The following RHAG variants were observed in gnomAD, a reference collection of about 807,000 sequenced individuals.
The protein encoded by RHAG is Rh associated glycoprotein.
In RHAG, 25 loss-of-function variants were observed where a neutral mutation model predicts 42.4. The observed-to-expected ratio is 0.59, with a 90% confidence interval of 0.43 to 0.82. The LOEUF is 0.82. RHAG is among the 40% of genes least tolerant of loss of function. The probability of loss-of-function intolerance (pLI) is 0.00; values close to 1 mark genes in which losing one functional copy is unlikely to be tolerated. For missense variants in RHAG, 483 were observed against 504.6 expected, an observed-to-expected ratio of 0.96 and a Z score of 0.41; for synonymous variants, 182 against 177.7, an observed-to-expected ratio of 1.02 and a Z score of -0.19.
At position 49,614,752 on chromosome 6, in the gene RHAG, C is replaced by A. The variant is rs1762625218; in HGVS notation, c.742G>T (p.Ala248Ser). The A allele has an allele frequency of 1.2e-6, 2 of 1,613,888 alleles. No homozygotes were observed. Among genetic ancestry groups the A allele is most frequent in the African/African-American group, 1.3e-5 (1 of 74,872 alleles). Residue 248 changes from alanine (A) to serine (S), a missense_variant, in exon 5 of 10, where the codon GCT (alanine) becomes TCT (serine). Coordinates refer to ENST00000371175, the MANE Select transcript of RHAG (RefSeq NM_000324.3). The stretch of plus-strand genomic sequence containing the variant: ...GCAAAGGCTGTGAGCACACAGGCAG[C>A]GAGAGAGAAGTACGTGTTTACAATG... ...RAIVNTYFSL[A>S]ACVLTAFAFS...
chr6:49,611,539 A>G (rs748653778), intron 6 of RHAG, among the ~76,000 whole-genome samples: 5 of 152,108 alleles, frequency 3.3e-5, no homozygotes, highest in African/African-American at 1.2e-4. Context: ...TCTGAACTAC[A>G]TCTCCCCATT....
At chr6:49,615,186 G>A (rs1762633004) in intron 4 of RHAG, 4 of 295,544 alleles carry the variant, frequency 1.4e-5, no homozygotes, top group East Asian at 8.7e-5. Context: ...TCCTGACCTC[G>A]TGATCCACCC....
At chr6:49,611,810 C>G (rs1323420024) in intron 6 of RHAG, among the ~76,000 whole-genome samples, 1 of 151,140 alleles carries the variant, frequency 6.6e-6, no homozygotes, top group Non-Finnish European at 1.5e-5. Context: ...GGTGCCATCT[C>G]GGCTCACTGC....
At chr6:49,610,875 A>C in intron 7 of RHAG, 149 bp downstream of exon 7, 1 of 846,326 alleles carries the variant, frequency 1.2e-6, no homozygotes, top group Non-Finnish European at 1.9e-6. Flanking sequence ...TTTTATTCTA[A>C]TGATCTTCTC....
intron 1 of RHAG, among the ~76,000 whole-genome samples, chr6:49,632,543 A>G (rs1762949152): frequency 6.6e-6 from 1 of 152,040 alleles, no homozygotes; most frequent in South Asian, 2.1e-4. Context: ...ATTCTTTTTT[A>G]TGTTATATAT....
chr6:49,610,640 C>T (rs1240251499), intron 7 of RHAG, among the ~76,000 whole-genome samples: 1 of 152,050 alleles, frequency 6.6e-6, no homozygotes, highest in Non-Finnish European at 1.5e-5. Context: ...TCCAACTCAT[C>T]CTTCTTTGTG....
intron 1 of RHAG, among the ~76,000 whole-genome samples, chr6:49,634,906 C>T (rs1486765709): frequency 2.0e-5 from 3 of 147,848 alleles, no homozygotes; most frequent in Non-Finnish European, 4.5e-5. Context: ...TACAATCAAG[C>T]TAGTTAACAC....
chr6:49,615,861 TA>T, intron 3 of RHAG, 90 bp from the exon 4 acceptor site: 1 of 1,306,280 alleles, frequency 7.7e-7, no homozygotes, highest in South Asian at 1.2e-5. Flanking sequence ...CATTGTTGGT[TA>T]AACAACTTAA....
chr6:49,632,465 A>G (rs1762948208), intron 1 of RHAG, among the ~76,000 whole-genome samples: 1 of 152,224 alleles, frequency 6.6e-6, no homozygotes, highest in Non-Finnish European at 1.5e-5. Context: ...GTCTGCTATC[A>G]CAAGCTTATC....
chr6:49,616,911 C>A (rs1762666302), intron 3 of RHAG, among the ~76,000 whole-genome samples: 3 of 152,152 alleles, frequency 2.0e-5, no homozygotes, highest in Admixed American at 2.0e-4. Flanking sequence ...TGGGAGGTGG[C>A]TATTAATCAT....
chr6:49,631,186 C>A (rs1762929224), intron 1 of RHAG, among the ~76,000 whole-genome samples: 1 of 152,102 alleles, frequency 6.6e-6, no homozygotes, highest in Admixed American at 6.6e-5. Context: ...GTTGCCAGAC[C>A]TCTCCACTAT....
chr6:49,623,577 A>G (rs1008535660), intron 1 of RHAG, among the ~76,000 whole-genome samples: 4 of 152,202 alleles, frequency 2.6e-5, no homozygotes, highest in African/African-American at 9.7e-5. Context: ...ATTCTCAACA[A>G]GAGGTAATAT....
intron 1 of RHAG, among the ~76,000 whole-genome samples, chr6:49,631,573 C>A (rs9473631): frequency 0.23 from 34,274 of 152,046 alleles, 4,210 homozygotes; most frequent in African/African-American, 0.32. Context: ...GATCCTGTGT[C>A]CTTTTCACAT....
chr6:49,628,696 A>G (rs1454629279), intron 1 of RHAG, among the ~76,000 whole-genome samples: 2 of 151,516 alleles, frequency 1.3e-5, no homozygotes, highest in Non-Finnish European at 2.9e-5. Context: ...TGGCTTCAGG[A>G]GTGAAGCTGC....
At chr6:49,624,112 C>T (rs1762805358) in intron 1 of RHAG, among the ~76,000 whole-genome samples, 1 of 152,180 alleles carries the variant, frequency 6.6e-6, no homozygotes, top group Admixed American at 6.5e-5. Flanking sequence ...AATCTCAAGG[C>T]ATTAGAATCC....
chr6:49,621,139 G>A (rs1035932046), intron 1 of RHAG, among the ~76,000 whole-genome samples: 21 of 152,254 alleles, frequency 1.4e-4, no homozygotes, highest in Middle Eastern at 3.4e-3. Context: ...CTAGTGTGTT[G>A]AGGGTAAGAG....
At chr6:49,624,366 TG>T (rs1281726104) in intron 1 of RHAG, among the ~76,000 whole-genome samples, 1 of 151,980 alleles carries the variant, frequency 6.6e-6, no homozygotes, top group Non-Finnish European at 1.5e-5. Flanking sequence ...CCACCACACC[TG>T]GTTAATTTTG....
At position 49,618,008 on chromosome 6, in the gene RHAG, T is replaced by G. The variant is rs543592705; in HGVS notation, c.492+60A>C. On this transcript the variant is annotated intron_variant, in intron 3 of 9. Coordinates refer to ENST00000371175, the MANE Select transcript of RHAG (RefSeq NM_000324.3). ...TCCCATATACCGTAGACACCCATTG[T>G]TTTTTTGTAGCCAGAACTGATGCCC... 4.2e-5 allele frequency: 64 copies of G among 1,520,078 alleles called. 2 individuals carry two copies. In the South Asian group the frequency reaches 7.3e-4, roughly 17 times the overall value. 94.2% of individuals were successfully genotyped at this position (1,520,078 alleles called of 1,614,324 possible).
At chr6:49,613,276 G>A (rs900279255) in intron 5 of RHAG, among the ~76,000 whole-genome samples, 7 of 152,066 alleles carry the variant, frequency 4.6e-5, no homozygotes, top group African/African-American at 1.7e-4. Flanking sequence ...CGCCATGTTG[G>A]CCAGGCTGTT....
Sources: gnomAD v4.1 joint callset for allele counts (sites outside exome capture counted in the v4.1 genomes callset) on GRCh38, gnomAD v4.1.1 for gene constraint, MANE v1.5 for transcripts, NCBI Gene and HGNC (gene_info 2026-07-23, HGNC 2026-07-21) for gene names.